MYLK3: variants seen among roughly 807,000 people sequenced by gnomAD.
MYLK3 encodes the protein myosin light chain kinase 3, also known as MLC kinase.
Under a neutral mutation model 76.3 loss-of-function variants are expected in MYLK3, and 55 were observed. That is an observed-to-expected ratio of 0.72 (90% confidence interval 0.58 to 0.90). The LOEUF is 0.90. MYLK3 is among the 40% of genes least tolerant of loss of function. The pLI is 0.00. For missense variants in MYLK3, 973 were observed against 1,053.6 expected, an observed-to-expected ratio of 0.92 and a Z score of 1.06; for synonymous variants, 416 against 425.4, an observed-to-expected ratio of 0.98 and a Z score of 0.27.
Position 46,704,752 on chromosome 16 carries a change from T to C in MYLK3, c.*2952A>G, listed in dbSNP as rs1350223528. On this transcript the variant is annotated 3_prime_UTR_variant, in exon 13 of 13. Coordinates refer to ENST00000394809, the MANE Select transcript of MYLK3 (RefSeq NM_182493.3). ...TTGTTGGGCAGTGCTGCTCTAGATA[T>C]GGTAATTAACTGTCTTTTTCTGGGG... is the stretch of plus-strand genomic sequence containing the variant. The C allele has an allele frequency of 1.3e-5, 2 of 152,226 alleles. No homozygotes were observed. Among genetic ancestry groups the C allele is most frequent in the African/African-American group, 2.4e-5 (1 of 41,456 alleles). 9.4% of individuals were successfully genotyped at this position (152,226 alleles called of 1,614,324 possible).
chr16:46,716,495 ATATGTGTGTGTG>A (rs1241381180), intron 9 of MYLK3, among the ~76,000 whole-genome samples: 118 of 145,180 alleles, frequency 8.1e-4, no homozygotes, highest in Non-Finnish European at 1.4e-3. Context: ...ATGTGTATAT[ATATGTGTGTGTG>A]TGTGTGTGTG....
intron 3 of MYLK3, among the ~76,000 whole-genome samples, chr16:46,737,057 G>A (rs1484481478): frequency 2.0e-5 from 3 of 152,208 alleles, no homozygotes; most frequent in African/African-American, 7.2e-5. Context: ...ATTCCTGAGG[G>A]CCCTGTCCTT....
rs374427048 is a variant in MYLK3 at position 46,753,808 on chromosome 16, G to T, written c.-114+9232C>A. ...TGCACCTGTACTCCCAGATATTTGGGAAGCTGAGGTGGCAGGATTGTTTAA... is the reference window on the plus strand; with the variant it reads ...TGCACCTGTACTCCCAGATATTTGGTAAGCTGAGGTGGCAGGATTGTTTAA... On this transcript the variant is annotated intron_variant, in intron 1 of 11. Coordinates refer to the MYLK3 transcript ENST00000536476. Among the ~76,000 whole-genome samples the T allele has an allele frequency of 3.3e-5, 5 of 152,298 alleles. No homozygotes were observed. In the East Asian group the frequency reaches 5.8e-4, roughly 18 times the overall value.
At chr16:46,709,853 G>A (rs952432838) in intron 11 of MYLK3, among the ~76,000 whole-genome samples, 182 bp from the exon 12 acceptor site, 1 of 152,178 alleles carries the variant, frequency 6.6e-6, no homozygotes, top group African/African-American at 2.4e-5. Context: ...AGTGCCAGAA[G>A]GTCGTCAGCA....
At chr16:46,709,487 A>G in intron 12 of MYLK3, 52 bp downstream of exon 12, 2 of 1,557,046 alleles carry the variant, frequency 1.3e-6, no homozygotes, top group Non-Finnish European at 1.7e-6. Context: ...GTTTTTTCCA[A>G]GGACAGATTA....
chr16:46,735,155 A>AG (rs1240631156), intron 3 of MYLK3, among the ~76,000 whole-genome samples: 3 of 149,906 alleles, frequency 2.0e-5, no homozygotes, highest in Non-Finnish European at 3.0e-5. Context: ...AAAAAAAAGG[A>AG]GGGGGGCGCT....
intron 2 of MYLK3, 29 bp from the exon 3 acceptor site, chr16:46,738,172 C>A (rs1378058515): frequency 1.0e-5 from 15 of 1,478,870 alleles, no homozygotes; most frequent in Non-Finnish European, 1.3e-5. Flanking sequence ...GACAAAAATG[C>A]ACTCCCATGT....
rs964308955 is a variant in MYLK3 at position 46,755,052 on chromosome 16, C to T, written c.-114+7988G>A. Reference sequence around the variant, plus strand: ...CCAGGACTATGGGCGTGTGCCACTACGCTTGGCTAATTTTTGTGGGGTTTT... The same window carrying T: ...CCAGGACTATGGGCGTGTGCCACTATGCTTGGCTAATTTTTGTGGGGTTTT... On this transcript the variant is annotated intron_variant, in intron 1 of 11. Transcript: ENST00000536476. Among the ~76,000 whole-genome samples the T allele has an allele frequency of 4.6e-5, 7 of 151,958 alleles. No homozygotes were observed. The South Asian group carries it at 1.0e-3, about 23-fold the overall frequency.
At chr16:46,762,049 T>C (rs1967282325) in intron 1 of MYLK3, among the ~76,000 whole-genome samples, 1 of 152,082 alleles carries the variant, frequency 6.6e-6, no homozygotes, top group Admixed American at 6.5e-5. Flanking sequence ...TGGAGCAACA[T>C]CTCAAGGAAC....
intron 1 of MYLK3, among the ~76,000 whole-genome samples, chr16:46,755,201 C>T (rs1335000450): frequency 2.6e-5 from 4 of 152,030 alleles, no homozygotes; most frequent in Non-Finnish European, 4.4e-5. Flanking sequence ...ACCTGACCCA[C>T]GCACGCTTTC....
At chr16:46,740,379 A>G (rs2143016183) in intron 1 of MYLK3, among the ~76,000 whole-genome samples, 1 of 152,036 alleles carries the variant, frequency 6.6e-6, no homozygotes, top group Non-Finnish European at 1.5e-5. Flanking sequence ...CTTCACACCC[A>G]GAACCACCTC....
chr16:46,739,737 A>C (rs1183280901), intron 2 of MYLK3, among the ~76,000 whole-genome samples: 4 of 152,268 alleles, frequency 2.6e-5, no homozygotes, highest in Admixed American at 2.6e-4. Context: ...GTTATCAGCA[A>C]GACTTCCAGT....
rs956723382 is a variant in MYLK3, at chr16:46,747,781, G to T, written c.413C>A (p.Ala138Glu). The T allele has an allele frequency of 6.2e-7, 1 of 1,614,220 alleles. No homozygotes were observed. Among genetic ancestry groups the T allele is most frequent in the South Asian group, 1.1e-5 (1 of 91,090 alleles). The stretch of plus-strand genomic sequence containing the variant: ...CACACGCCCCTGCATGAGGAAATCC[G>T]CCACCTTTGATTTCTGGAACGTGGC... Reference protein sequence around the residue: ...VGATFQKSKVADFLMQGRVPW... With the variant: ...VGATFQKSKVEDFLMQGRVPW... The change falls in exon 1 of 13, where the codon GCG becomes GAG. Residue 138 changes from alanine to glutamate, a missense_variant. Ala to Glu is a moderately radical substitution (Grantham distance 107). Transcript: ENST00000394809.
intron 1 of MYLK3, among the ~76,000 whole-genome samples, chr16:46,758,294 ACACACACACACTCTCTCT>A (rs1252254050): frequency 5.1e-5 from 3 of 58,370 alleles, no homozygotes; most frequent in Non-Finnish European, 5.7e-5. Flanking sequence ...ACACACACAC[ACACACACACACTCTCTCT>A]CTCTCTCTCT....
At chr16:46,728,323 C>T (rs556436288) in intron 7 of MYLK3, among the ~76,000 whole-genome samples, 2 of 152,280 alleles carry the variant, frequency 1.3e-5, no homozygotes, top group South Asian at 2.1e-4. Flanking sequence ...CTTGGAAAGG[C>T]AGGCCCGGCA....
chr16:46,735,122 C>T (rs1237822977), intron 3 of MYLK3, among the ~76,000 whole-genome samples: 3 of 151,060 alleles, frequency 2.0e-5, no homozygotes, highest in Non-Finnish European at 4.4e-5. Context: ...GCCTCGGTGA[C>T]AGAGTGAGAC....
chr16:46,748,225 G>A lies in MYLK3; in HGVS notation c.-32C>T. 6.3e-7 allele frequency: 1 copy of A among 1,588,840 alleles called. No individual in the cohort carries two copies. Among genetic ancestry groups the A allele is most frequent in the Non-Finnish European group, 8.6e-7 (1 of 1,166,736 alleles). The stretch of plus-strand genomic sequence containing the variant: ...GCAGGCTTGACAAGGGCAAGAGCGG[G>A]GAATGAGGAGAGGCACAGACCCCTG... On this transcript the variant is annotated 5_prime_UTR_variant, in exon 1 of 13. Coordinates refer to ENST00000394809, the MANE Select transcript of MYLK3 (RefSeq NM_182493.3). The surrounding 1 kb of genome is among the most constrained non-coding windows in gnomAD (Gnocchi z 4.3).
chr16:46,723,841 G>T (rs1966823418), intron 8 of MYLK3, among the ~76,000 whole-genome samples: 1 of 152,118 alleles, frequency 6.6e-6, no homozygotes. Context: ...TAGATATGGG[G>T]CTTCTCCATG....
chr16:46,726,773 GA>G (rs1481598727), intron 8 of MYLK3: 6 of 151,784 alleles, frequency 4.0e-5, no homozygotes, highest in African/African-American at 1.5e-4. Flanking sequence ...GAAAGAGAGA[GA>G]GGGGGAGGGA....
Sources: gnomAD v4.1 joint callset for allele counts (sites outside exome capture counted in the v4.1 genomes callset) on GRCh38, gnomAD v4.1.1 for gene constraint, Gnocchi (gnomAD v3.1) non-coding constraint, MANE v1.5 for transcripts, NCBI Gene and HGNC (gene_info 2026-07-23, HGNC 2026-07-21) for gene names.